Variants in GRM5 observed in about 807,000 individuals in gnomAD.
The protein encoded by GRM5 is glutamate metabotropic receptor 5.
In GRM5, 19 loss-of-function variants were observed where a neutral mutation model predicts 83.1. The observed-to-expected ratio is 0.23, with a 90% CI of 0.16 to 0.34. The LOEUF is 0.34. Among genes scored for constraint, GRM5 ranks in the 10% least tolerant of loss-of-function variants. The pLI is 1.00. For synonymous variants in GRM5, 675 were observed against 633.6 expected, an observed-to-expected ratio of 1.07 and a Z score of -0.98; for missense variants, 1,160 against 1,588.3, an observed-to-expected ratio of 0.73 and a Z score of 4.58.
At position 88,885,542 on chromosome 11, in the gene GRM5, A is replaced by G. The variant is rs180899326; in HGVS notation, c.662-35387T>C. ...TAGGGGACTTTAGAAAGGTATTTAA[A>G]TAGTACAGTATCCCTCCTTAAAAAG... On this transcript the variant is annotated intron_variant, in intron 2 of 9. Coordinates refer to ENST00000305447, the MANE Select transcript of GRM5 (RefSeq NM_001143831.3). 3.4e-3 allele frequency among the ~76,000 whole-genome samples: 489 copies of G among 144,822 alleles called. 2 individuals carry two copies. Among genetic ancestry groups the G allele is most frequent in the African/African-American group, 0.012 (466 of 37,810 alleles).
At chr11:88,680,730 C>T (rs1304545593) in intron 3 of GRM5, among the ~76,000 whole-genome samples, 1 of 152,172 alleles carries the variant, frequency 6.6e-6, no homozygotes, top group Non-Finnish European at 1.5e-5. Context: ...GAACCAACAT[C>T]AAACTAATAT....
chr11:88,826,088 G>C (rs1363495128), intron 3 of GRM5, among the ~76,000 whole-genome samples: 1 of 152,214 alleles, frequency 6.6e-6, no homozygotes, highest in African/African-American at 2.4e-5. Context: ...TATCCTTAAA[G>C]GTATATGAAC....
chr11:89,004,577 A>G (rs1940474167), intron 2 of GRM5, among the ~76,000 whole-genome samples: 1 of 152,224 alleles, frequency 6.6e-6, no homozygotes, highest in Non-Finnish European at 1.5e-5. Flanking sequence ...CCTGAAACAA[A>G]AAGAAAAAAT....
At chr11:88,871,948 G>T (rs780022239) in intron 2 of GRM5, among the ~76,000 whole-genome samples, 11 of 151,092 alleles carry the variant, frequency 7.3e-5, no homozygotes, top group African/African-American at 2.2e-4. Flanking sequence ...CATACTGAAG[G>T]TCACAAAATT....
chr11:88,528,980 A>G lies in GRM5; in HGVS notation c.2631-3576T>C, dbSNP rs532136474. ...TCCATTAATTTTTCCTCCAAGTAAC[A>G]ATATTACTACGTTTAAAAACAAAAT... On this transcript the variant is annotated intron_variant, in intron 8 of 9. Coordinates refer to ENST00000305447, the MANE Select transcript of GRM5 (RefSeq NM_001143831.3). Among the ~76,000 whole-genome samples the G allele has an allele frequency of 9.2e-5, 14 of 152,182 alleles. No individual in the cohort carries two copies. In the South Asian group the frequency reaches 2.9e-3, roughly 32 times the overall value.
chr11:88,994,210 A>C (rs1194494633), intron 2 of GRM5, among the ~76,000 whole-genome samples: 1 of 151,692 alleles, frequency 6.6e-6, no homozygotes, highest in Non-Finnish European at 1.5e-5. Flanking sequence ...ACAATGAGAC[A>C]CTGATGAAAG....
intron 8 of GRM5, 40 bp from the exon 9 acceptor site, chr11:88,525,444 G>A (rs202152779): frequency 1.5e-5 from 19 of 1,233,716 alleles, no homozygotes; most frequent in South Asian, 1.4e-4. Context: ...ACAGAAAGAC[G>A]TGATTGTGTG....
intron 7 of GRM5, among the ~76,000 whole-genome samples, chr11:88,570,572 T>TATATATATATATATATA (rs1491417366): frequency 5.4e-4 from 23 of 42,356 alleles, no homozygotes; most frequent in African/African-American, 1.3e-3. Flanking sequence ...TATATATATA[T>TATATATATATATATATA]TTTTTTTTTT....
intron 2 of GRM5, among the ~76,000 whole-genome samples, chr11:88,954,057 T>C (rs910653445): frequency 3.0e-4 from 45 of 152,202 alleles, no homozygotes; most frequent in South Asian, 2.1e-4. Context: ...AGAATGGTTA[T>C]CAACCTGCTG....
chr11:88,791,208 G>A (rs2135474913), intron 3 of GRM5, among the ~76,000 whole-genome samples: 1 of 152,296 alleles, frequency 6.6e-6, no homozygotes, highest in Non-Finnish European at 1.5e-5. Context: ...AAACCAGGAG[G>A]ACAGGAGGAA....
intron 3 of GRM5, among the ~76,000 whole-genome samples, chr11:88,836,001 C>T (rs976512372): frequency 1.2e-4 from 19 of 152,126 alleles, no homozygotes; most frequent in African/African-American, 4.1e-4. Flanking sequence ...TAAGACTCTC[C>T]GATCTCATAA....
intron 3 of GRM5, among the ~76,000 whole-genome samples, chr11:88,673,508 T>A (rs1940244519): frequency 6.6e-6 from 1 of 151,936 alleles, no homozygotes; most frequent in Non-Finnish European, 1.5e-5. Context: ...TGTAGAGAAG[T>A]CTGGCCTGAG....
chr11:89,048,495 T>A (rs993933778), intron 1 of GRM5, among the ~76,000 whole-genome samples: 1 of 152,210 alleles, frequency 6.6e-6, no homozygotes, highest in Non-Finnish European at 1.5e-5. Context: ...TAAATTTTCA[T>A]TAGGCTTTCT....
At chr11:88,703,239 C>A (rs891812723) in intron 3 of GRM5, among the ~76,000 whole-genome samples, 19 of 152,056 alleles carry the variant, frequency 1.2e-4, no homozygotes, top group Non-Finnish European at 2.8e-4. Context: ...ATGGAATAAT[C>A]AAGATCACTA....
chr11:88,794,333 C>T lies in GRM5; in HGVS notation c.911+55573G>A, dbSNP rs148271250. Among the ~76,000 whole-genome samples the T allele has an allele frequency of 3.6e-3, 549 of 152,242 alleles. 13 individuals are homozygous for T. Among genetic ancestry groups the T allele is most frequent in the Admixed American group, 0.032 (494 of 15,272 alleles). On this transcript the variant is annotated intron_variant, in intron 3 of 9. Coordinates refer to ENST00000305447, the MANE Select transcript of GRM5 (RefSeq NM_001143831.3). ...CTAGTAATATGAGTTATTTCACTTT[C>T]CTCTGTAACACCATTCTGTGGACAC... is the stretch of plus-strand genomic sequence containing the variant.
At chr11:88,734,660 T>C (rs1264082214) in intron 3 of GRM5, among the ~76,000 whole-genome samples, 1 of 152,094 alleles carries the variant, frequency 6.6e-6, no homozygotes, top group Non-Finnish European at 1.5e-5. Flanking sequence ...TAACATGCTG[T>C]AACTTTGTAA....
intron 2 of GRM5, among the ~76,000 whole-genome samples, chr11:88,858,745 C>T (rs1318313618): frequency 1.3e-5 from 2 of 151,882 alleles, no homozygotes; most frequent in African/African-American, 2.4e-5. Flanking sequence ...CTGATACAAA[C>T]ATAATTGAAA....
At chr11:88,738,986 G>A (rs74703659) in intron 3 of GRM5, among the ~76,000 whole-genome samples, 3,482 of 152,028 alleles carry the variant, frequency 0.023, 138 homozygotes, top group African/African-American at 0.078. Flanking sequence ...TGCTGCCTTG[G>A]TCATGAAGTA....
chr11:88,673,656 C>A (rs1359405305), intron 3 of GRM5, among the ~76,000 whole-genome samples: 1 of 151,694 alleles, frequency 6.6e-6, no homozygotes, highest in Non-Finnish European at 1.5e-5. Flanking sequence ...GACAAAATTT[C>A]TTTTCTAGTT....
Sources: gnomAD v4.1 joint callset for allele counts (sites outside exome capture counted in the v4.1 genomes callset) on GRCh38, gnomAD v4.1.1 for gene constraint, MANE v1.5 for transcripts, NCBI Gene and HGNC (gene_info 2026-07-23, HGNC 2026-07-21) for gene names.